MRC1: variants seen among roughly 807,000 people sequenced by gnomAD.
MRC1 encodes the protein macrophage mannose receptor 1.
MRC1 carries 62 observed loss-of-function variants against 102.9 expected under a neutral mutation model. That is an observed-to-expected ratio of 0.60 (90% CI 0.49 to 0.74). The LOEUF (loss-of-function observed/expected upper bound fraction) is 0.74, where lower values mean the gene tolerates loss of function less well. Ranked by LOEUF, MRC1 falls within the 30% of genes least tolerant of loss-of-function variation. The pLI is 0.00. For synonymous variants in MRC1, 457 were observed against 298.4 expected (o/e 1.53, Z -5.48); for missense variants, 1,237 against 862.8 (o/e 1.43, Z -5.43).
intron 23 of MRC1, among the ~76,000 whole-genome samples, chr10:17,897,735 C>G (rs1833775292): frequency 6.6e-6 from 1 of 152,194 alleles, no homozygotes; most frequent in Non-Finnish European, 1.5e-5. Context: ...TTTCTTTCAT[C>G]AAGATACCAG....
At chr10:17,852,577 T>C (rs1169382793) in intron 7 of MRC1, among the ~76,000 whole-genome samples, 1 of 152,192 alleles carries the variant, frequency 6.6e-6, no homozygotes, top group Non-Finnish European at 1.5e-5. Context: ...TAGGCTACCA[T>C]CAATAACATG....
chr10:17,901,612 C>G (rs1470382651), intron 25 of MRC1, among the ~76,000 whole-genome samples: 1 of 151,982 alleles, frequency 6.6e-6, no homozygotes, highest in Admixed American at 6.6e-5. Flanking sequence ...TCACTTGAAT[C>G]CGGGAGGCAG....
intron 21 of MRC1, among the ~76,000 whole-genome samples, chr10:17,883,631 G>A (rs910506574): frequency 6.6e-6 from 1 of 152,312 alleles, no homozygotes; most frequent in Non-Finnish European, 1.5e-5. Flanking sequence ...CATCTCTGCA[G>A]ATTTTTATTT....
At chr10:17,836,331 C>T (rs1304859825) in intron 4 of MRC1, among the ~76,000 whole-genome samples, 1 of 152,176 alleles carries the variant, frequency 6.6e-6, no homozygotes, top group Non-Finnish European at 1.5e-5. Flanking sequence ...CTCAATTATT[C>T]TGTTTTGCAT....
intron 24 of MRC1, among the ~76,000 whole-genome samples, chr10:17,898,651 T>G (rs1367761672): frequency 6.6e-6 from 1 of 152,184 alleles, no homozygotes; most frequent in African/African-American, 2.4e-5. Flanking sequence ...GGGACAATTT[T>G]TTTTTGTTGT....
intron 26 of MRC1, among the ~76,000 whole-genome samples, chr10:17,903,140 T>G (rs1833850930): frequency 6.6e-6 from 1 of 152,162 alleles, no homozygotes; most frequent in African/African-American, 2.4e-5. Flanking sequence ...GCGTCTTTTT[T>G]AGACAGCACA....
At chr10:17,824,779 GA>G (rs1838448462) in intron 2 of MRC1, among the ~76,000 whole-genome samples, 1 of 152,124 alleles carries the variant, frequency 6.6e-6, no homozygotes, top group African/African-American at 2.4e-5. Context: ...TTGGCGCTAA[GA>G]AATCGGATTT....
intron 12 of MRC1, among the ~76,000 whole-genome samples, chr10:17,867,654 G>A (rs1833296035): frequency 6.6e-6 from 1 of 152,020 alleles, no homozygotes; most frequent in Non-Finnish European, 1.5e-5. Context: ...AACTCCTCGT[G>A]TCAATTGATC....
At chr10:17,865,620 G>T (rs913128113) in intron 11 of MRC1, 2 of 152,410 alleles carry the variant, frequency 1.3e-5, no homozygotes, top group African/African-American at 4.8e-5. Context: ...TGGGCAAGGA[G>T]CCTGGGGCTC....
rs1215208967 is a variant in MRC1, at chr10:17,853,600, GTATATA to G, written c.1407+486_1407+491del. Reference sequence around the variant, plus strand: ...TGTGTGTGTGTGTGTGTGTGTGTGTGTATATATATATATATGTAAAAAGAGATTGTA... The same window carrying G: ...TGTGTGTGTGTGTGTGTGTGTGTGTGTATATATATGTAAAAAGAGATTGTA... On this transcript the variant is annotated intron_variant, in intron 8 of 29. Coordinates refer to ENST00000569591, the MANE Select transcript of MRC1 (RefSeq NM_002438.4). Among the ~76,000 whole-genome samples the G allele has an allele frequency of 1.3e-3, 171 of 127,668 alleles. 1 individual carries two copies. The highest frequency in any genetic ancestry group is 4.2e-3 in the African/African-American group (148 of 35,372). The allele number at this position is 127,668 out of a possible 152,430, so 83.8% of individuals were successfully genotyped here.
intron 16 of MRC1, among the ~76,000 whole-genome samples, chr10:17,874,882 C>A (rs943741269): frequency 1.3e-5 from 2 of 152,068 alleles, no homozygotes; most frequent in African/African-American, 4.8e-5. Flanking sequence ...CAAAATGGGT[C>A]CTTTTTACCA....
chr10:17,834,405 G>C (rs1442562556), intron 4 of MRC1, among the ~76,000 whole-genome samples: 9 of 151,870 alleles, frequency 5.9e-5, no homozygotes, highest in Non-Finnish European at 1.3e-4. Context: ...GTTTTGTTTT[G>C]TGTTGTGTTG....
chr10:17,908,262 A>T (rs1025932676), intron 28 of MRC1, among the ~76,000 whole-genome samples: 2 of 152,102 alleles, frequency 1.3e-5, no homozygotes, highest in African/African-American at 4.8e-5. Flanking sequence ...TACTGATTAG[A>T]TAATAGAGGT....
intron 1 of MRC1, among the ~76,000 whole-genome samples, chr10:17,817,500 G>C (rs564635190): frequency 0.011 from 1,600 of 152,180 alleles, 37 homozygotes; most frequent in African/African-American, 0.037. Flanking sequence ...GGAAACTTAT[G>C]TCTTTTGTTT....
Position 17,823,207 on chromosome 10 carries a change from G to C in MRC1, c.195G>C (p.Gln65His), listed in dbSNP as rs781919509. 2 of 780,840 alleles carry C rather than the reference G, an allele frequency of 2.6e-6. No homozygotes were observed. Among genetic ancestry groups the C allele is most frequent in the South Asian group, 2.7e-5 (2 of 74,608 alleles). 48.4% of individuals were successfully genotyped at this position (780,840 alleles called of 1,614,324 possible). A position where few individuals can be genotyped will look rare whatever the true frequency, so the allele number is the denominator to read the frequency against. Residue 65 changes from glutamine (Q) to histidine (H), a missense_variant, in exon 2 of 30, where the codon CAG (glutamine) becomes CAC (histidine). By Grantham distance (24) the Gln-to-His change is conservative. Transcript: ENST00000569591. ...SQKFRWVSESQIMSVAFKLCL... is the reference protein window; with the variant it reads ...SQKFRWVSESHIMSVAFKLCL... Reference sequence around the variant, plus strand: ...AATTCCGATGGGTGTCCGAATCTCAGATTATGAGTGTTGCATTTAAATTAT... The same window carrying C: ...AATTCCGATGGGTGTCCGAATCTCACATTATGAGTGTTGCATTTAAATTAT...
chr10:17,839,913 A>AG (rs1838724582), intron 4 of MRC1, among the ~76,000 whole-genome samples: 1 of 151,772 alleles, frequency 6.6e-6, no homozygotes, highest in Non-Finnish European at 1.5e-5. Context: ...ACAAAAAAAA[A>AG]AAATTAGCCA....
intron 21 of MRC1, among the ~76,000 whole-genome samples, chr10:17,885,063 A>G (rs1457312514): frequency 6.6e-6 from 1 of 152,248 alleles, no homozygotes; most frequent in African/African-American, 2.4e-5. Context: ...CTAGACTTTT[A>G]TTGTATGAAA....
At chr10:17,870,758 A>G (rs1316123976) in intron 13 of MRC1, 90 bp from the exon 14 acceptor site, 2 of 813,128 alleles carry the variant, frequency 2.5e-6, no homozygotes, top group East Asian at 2.4e-5. Flanking sequence ...TACGTTTTGG[A>G]GGTAACTTTC....
At chr10:17,887,491 G>A (rs892158282) in intron 22 of MRC1, among the ~76,000 whole-genome samples, 1 of 152,192 alleles carries the variant, frequency 6.6e-6, no homozygotes, top group African/African-American at 2.4e-5. Context: ...ACCAATGAGG[G>A]CTGAAAGACT....
Sources: allele counts gnomAD v4.1 joint callset (sites outside exome capture counted in the v4.1 genomes callset), GRCh38; gene constraint gnomAD v4.1.1; transcripts MANE v1.5; gene names NCBI Gene and HGNC (gene_info 2026-07-23, HGNC 2026-07-21).